Variants in ADGRL2 observed in about 807,000 individuals in gnomAD.
The protein encoded by ADGRL2 is adhesion G protein-coupled receptor L2.
A neutral mutation model predicts 157.4 loss-of-function variants in ADGRL2; 44 were observed. That is an observed-to-expected ratio of 0.28 (90% CI 0.22 to 0.36). ADGRL2 has a LOEUF of 0.36. ADGRL2 is among the 10% of genes least tolerant of loss of function. ADGRL2 has a pLI of 1.00. For synonymous variants in ADGRL2, 585 were observed against 624.7 expected (o/e 0.94, Z 0.95); for missense variants, 1,510 against 1,768.9 (o/e 0.85, Z 2.63).
intron 1 of ADGRL2, among the ~76,000 whole-genome samples, chr1:81,822,441 G>A (rs940572919): frequency 2.6e-5 from 4 of 151,158 alleles, no homozygotes; most frequent in Admixed American, 6.6e-5. Flanking sequence ...AATATTTTTA[G>A]TGTACTTTGA....
upstream of ADGRL2, among the ~76,000 whole-genome samples, chr1:81,697,238 A>G (rs1037481367): frequency 1.3e-5 from 2 of 152,172 alleles, no homozygotes; most frequent in Non-Finnish European, 2.9e-5. Context: ...AGCTTCCTGA[A>G]CCATAATTCC....
intron 1 of ADGRL2, among the ~76,000 whole-genome samples, chr1:81,321,597 G>A (rs1660503098): frequency 6.6e-6 from 1 of 152,102 alleles, no homozygotes; most frequent in African/African-American, 2.4e-5. Context: ...AGAGACCAGT[G>A]GATGAGCAAC....
At chr1:81,902,207 G>A (rs1395396592) in intron 2 of ADGRL2, among the ~76,000 whole-genome samples, 2 of 152,184 alleles carry the variant, frequency 1.3e-5, no homozygotes, top group Admixed American at 6.6e-5. Flanking sequence ...GGTTAAGATA[G>A]GGGTTGTGAG....
At chr1:81,693,887 A>G (rs1171312464) in intron 3 of ADGRL2, among the ~76,000 whole-genome samples, 1 of 152,182 alleles carries the variant, frequency 6.6e-6, no homozygotes, top group Admixed American at 6.5e-5. Flanking sequence ...ACATTTTTTG[A>G]TATTTACTGT....
intron 2 of ADGRL2, among the ~76,000 whole-genome samples, chr1:81,492,516 A>G (rs904073960): frequency 2.6e-5 from 4 of 152,176 alleles, no homozygotes; most frequent in Non-Finnish European, 5.9e-5. Context: ...TGCTTAGATT[A>G]TTGCTAGAAA....
At chr1:81,580,855 A>G (rs1409367933) in intron 2 of ADGRL2, 5 of 152,126 alleles carry the variant, frequency 3.3e-5, no homozygotes, top group Admixed American at 6.5e-5. Flanking sequence ...TATATCTGTT[A>G]TTATTTTCCT....
intron 1 of ADGRL2, among the ~76,000 whole-genome samples, chr1:81,828,344 A>G (rs1309676488): frequency 1.3e-5 from 2 of 152,228 alleles, no homozygotes; most frequent in Non-Finnish European, 2.9e-5. Context: ...GTAGTGGAAT[A>G]TAATTGATAA....
intron 1 of ADGRL2, chr1:81,721,641 T>C (rs111678941): frequency 0.011 from 9,316 of 815,070 alleles, 93 homozygotes; most frequent in Non-Finnish European, 0.014. Flanking sequence ...AGCCAGCGCC[T>C]GGGCCTGGAA....
chr1:81,790,238 T>C (rs2087266318), intron 2 of ADGRL2, among the ~76,000 whole-genome samples: 1 of 152,054 alleles, frequency 6.6e-6, no homozygotes, highest in Non-Finnish European at 1.5e-5. Flanking sequence ...CCTTGAGATA[T>C]TTCCCACCTA....
chr1:81,787,014 G>A lies in ADGRL2; in HGVS notation c.-101+25162G>A, dbSNP rs548143618. On this transcript the variant is annotated intron_variant, in intron 2 of 20. Transcript: ENST00000359929. ...GGGTGGTTTCCCCTATACTGTTCTC[G>A]TGGTAGTGAATAAGTCTCATGAGAT... is the stretch of plus-strand genomic sequence containing the variant. Among the ~76,000 whole-genome samples the A allele has an allele frequency of 1.4e-3, 220 of 152,196 alleles. 1 individual carries two copies. Among genetic ancestry groups the A allele is most frequent in the African/African-American group, 4.8e-3 (201 of 41,516 alleles).
chr1:81,413,559 T>C (rs550686048), intron 1 of ADGRL2, among the ~76,000 whole-genome samples: 1 of 152,172 alleles, frequency 6.6e-6, no homozygotes, highest in Non-Finnish European at 1.5e-5. Context: ...CATTGCTCCA[T>C]GAAAGATGTG....
chr1:81,574,130 T>G (rs1156824000), intron 2 of ADGRL2, among the ~76,000 whole-genome samples: 3 of 151,878 alleles, frequency 2.0e-5, no homozygotes, highest in African/African-American at 7.3e-5. Context: ...TTTTTTTAAG[T>G]TGCAAGTACT....
chr1:81,784,300 G>A (rs572978295), intron 2 of ADGRL2, among the ~76,000 whole-genome samples: 2 of 152,296 alleles, frequency 1.3e-5, no homozygotes, highest in South Asian at 4.1e-4. Flanking sequence ...TTGAAAGCAT[G>A]TGTCAAGTGT....
At chr1:81,516,650 A>T (rs2079184889) in intron 2 of ADGRL2, among the ~76,000 whole-genome samples, 1 of 152,242 alleles carries the variant, frequency 6.6e-6, no homozygotes, top group Admixed American at 6.5e-5. Context: ...TCTATTCGGG[A>T]ACGTAATCAT....
At chr1:81,441,743 T>C (rs1282595333) in intron 1 of ADGRL2, among the ~76,000 whole-genome samples, 1 of 152,216 alleles carries the variant, frequency 6.6e-6, no homozygotes, top group Non-Finnish European at 1.5e-5. Context: ...TTTCACTATG[T>C]TGGCCAGGCT....
intron 1 of ADGRL2, among the ~76,000 whole-genome samples, chr1:81,398,285 A>T (rs183439953): frequency 2.0e-5 from 3 of 152,244 alleles, no homozygotes; most frequent in Non-Finnish European, 2.9e-5. Context: ...TAAGTAAGGA[A>T]TGTAATTTGT....
At chr1:81,806,956 C>T (rs949973333) in intron 1 of ADGRL2, among the ~76,000 whole-genome samples, 5 of 151,984 alleles carry the variant, frequency 3.3e-5, no homozygotes, top group South Asian at 2.1e-4. Flanking sequence ...GGGAGAGATG[C>T]GCATTTGATG....
At chr1:81,869,370 C>A (rs1252075015) in intron 2 of ADGRL2, among the ~76,000 whole-genome samples, 1 of 151,904 alleles carries the variant, frequency 6.6e-6, no homozygotes, top group African/African-American at 2.4e-5. Context: ...ACTGGAAGGC[C>A]CTTGCTACGT....
At chr1:81,350,913 CAA>C (rs1662835591) in intron 1 of ADGRL2, among the ~76,000 whole-genome samples, 1 of 151,962 alleles carries the variant, frequency 6.6e-6, no homozygotes, top group Non-Finnish European at 1.5e-5. Context: ...ACTTATGGCT[CAA>C]AGAGATGGTT....
Sources: allele counts gnomAD v4.1 joint callset (sites outside exome capture counted in the v4.1 genomes callset), GRCh38; gene constraint gnomAD v4.1.1; transcripts MANE v1.5; gene names NCBI Gene and HGNC (gene_info 2026-07-23, HGNC 2026-07-21).